IFRD1: variants seen among roughly 807,000 people sequenced by gnomAD.
IFRD1 encodes interferon related developmental regulator 1, also known as interferon-related developmental regulator 1.
A neutral mutation model predicts 52.9 loss-of-function variants in IFRD1; 35 were observed. The observed-to-expected ratio is 0.66, with a 90% CI of 0.51 to 0.88. IFRD1 has a LOEUF of 0.88. Among genes scored for constraint, IFRD1 ranks in the 40% least tolerant of loss-of-function variants. IFRD1 has a pLI of 0.00. For missense variants in IFRD1, 517 were observed against 550.8 expected (o/e 0.94, Z 0.61); for synonymous variants, 184 against 188.4 (o/e 0.98, Z 0.19).
At chr7:112,457,406 A>G in intron 4 of IFRD1, 2 of 306,948 alleles carry the variant, frequency 6.5e-6, no homozygotes. Flanking sequence ...TGTAAATTAC[A>G]TCATTTTCAG....
intron 8 of IFRD1, among the ~76,000 whole-genome samples, chr7:112,463,235 TG>T (rs780690579): frequency 4.1e-4 from 63 of 152,272 alleles, no homozygotes; most frequent in Non-Finnish European, 6.8e-4. Context: ...ATATGGGAAA[TG>T]GGTAACTAAA....
In IFRD1 at chr7:112,458,854, T is replaced by G; in HGVS notation, c.410-7T>G. The G allele has an allele frequency of 6.2e-7, 1 of 1,613,580 alleles. No individual in the cohort carries two copies. The highest frequency in any genetic ancestry group is 8.5e-7 in the Non-Finnish European group (1 of 1,179,576). ...CTATCGTGATTGCATCTTGGCTGCT[T>G]TTATAGGTAAGAGTGATGAGCAACG... On this transcript the variant is annotated splice_polypyrimidine_tract_variant and splice_region_variant and intron_variant, in intron 4 of 11. Coordinates refer to ENST00000403825, the MANE Select transcript of IFRD1 (RefSeq NM_001550.4).
intron 4 of IFRD1, 112 bp downstream of exon 4, chr7:112,457,150 C>G (rs1795315657): frequency 8.7e-7 from 1 of 1,150,976 alleles, no homozygotes; most frequent in African/African-American, 1.5e-5. Context: ...TTAAAATTTT[C>G]TAATAGTCAA....
In IFRD1 at chr7:112,450,767, AC is replaced by A; in HGVS notation, c.80del (p.Thr27ArgfsTer25). The A allele has an allele frequency of 6.2e-7, 1 of 1,612,056 alleles. No homozygotes were observed. Among genetic ancestry groups the A allele is most frequent in the Non-Finnish European group, 8.5e-7 (1 of 1,179,366 alleles). On this transcript the variant is annotated frameshift_variant, in exon 1 of 12. Coordinates refer to ENST00000403825, the MANE Select transcript of IFRD1 (RefSeq NM_001550.4). LOFTEE classifies it high-confidence loss of function. ...CGGCGGGTCAGGAGCAGCCGCAGCG[AC>A]GGCGGCGACAGCAGGTAAGGGGTAT... is the stretch of plus-strand genomic sequence containing the variant. ...GGGGSGAAAA[T>X]AATAGGQHRN...
Position 112,437,689 on chromosome 7 carries a change from T to C in IFRD1, c.-181-12819T>C, listed in dbSNP as rs558577435. ...CCCTCCAGAGCACTAGGGGCCACAC[T>C]AGATAAGGCAATCCATTCTGCAGGG... On this transcript the variant is annotated intron_variant, in intron 1 of 12. Coordinates refer to the IFRD1 transcript ENST00000005558. Among the ~76,000 whole-genome samples the C allele has an allele frequency of 4.0e-5, 6 of 151,266 alleles. No homozygotes were observed. In the East Asian group the frequency reaches 1.2e-3, roughly 29 times the overall value.
At position 112,443,269 on chromosome 7, in the gene IFRD1, C is replaced by T. The variant is rs569604129; in HGVS notation, c.-181-7239C>T. On this transcript the variant is annotated intron_variant, in intron 1 of 12. Transcript: ENST00000005558. ...GTGGTTGGCCGTAAGATTAGTACTA[C>T]CACACGGAGAAAGCTGGGAACAAGA... is the stretch of plus-strand genomic sequence containing the variant. Among the ~76,000 whole-genome samples the T allele has an allele frequency of 7.2e-5, 11 of 152,246 alleles. No homozygotes were observed. In the South Asian group the frequency reaches 2.1e-3, roughly 29 times the overall value.
In IFRD1 at chr7:112,450,780, C is replaced by A; in HGVS notation, c.92C>A (p.Ala31Glu). Residue 31 changes from alanine (A) to glutamate (E), a missense_variant and splice_region_variant, in exon 1 of 12, where the codon GCA becomes GAA. Ala to Glu is a moderately radical substitution (Grantham distance 107). Transcript: ENST00000403825. The stretch of plus-strand genomic sequence containing the variant: ...GCAGCCGCAGCGACGGCGGCGACAG[C>A]AGGTAAGGGGTATCCCCGCCGCCGG... ...SGAAAATAATAGGQHRNVQPF... is the reference protein window; with the variant it reads ...SGAAAATAATEGGQHRNVQPF... The A allele has an allele frequency of 6.2e-7, 1 of 1,610,054 alleles. No homozygotes were observed. Among genetic ancestry groups the A allele is most frequent in the Non-Finnish European group, 8.5e-7 (1 of 1,177,480 alleles).
chr7:112,464,736 T>C (rs975819115), intron 8 of IFRD1, among the ~76,000 whole-genome samples: 5 of 152,016 alleles, frequency 3.3e-5, no homozygotes, highest in Non-Finnish European at 1.5e-5. Context: ...GAGCCATTGC[T>C]GGTGCAATCC....
chr7:112,424,806 T>G (rs1040834707), intron 1 of IFRD1, among the ~76,000 whole-genome samples: 1 of 152,242 alleles, frequency 6.6e-6, no homozygotes, highest in African/African-American at 2.4e-5. Flanking sequence ...TGTCCTGTAT[T>G]TTCTGAGGTT....
At chr7:112,425,362 C>T (rs1448082036) in intron 1 of IFRD1, among the ~76,000 whole-genome samples, 1 of 152,080 alleles carries the variant, frequency 6.6e-6, no homozygotes, top group Admixed American at 6.6e-5. Context: ...GAAGATCTGC[C>T]CTCAATGTGG....
At chr7:112,432,360 G>A (rs1208908529) in intron 1 of IFRD1, among the ~76,000 whole-genome samples, 1 of 152,188 alleles carries the variant, frequency 6.6e-6, no homozygotes, top group African/African-American at 2.4e-5. Flanking sequence ...GAACACCACA[G>A]ACAAGATCTT....
chr7:112,474,536 T>A (rs894402572), intron 11 of IFRD1, among the ~76,000 whole-genome samples: 4 of 152,202 alleles, frequency 2.6e-5, no homozygotes, highest in South Asian at 2.1e-4. Context: ...AAGTTTTTTT[T>A]AAGAAACATT....
upstream of IFRD1, among the ~76,000 whole-genome samples, chr7:112,447,198 T>A (rs1795049705): frequency 6.6e-6 from 1 of 152,228 alleles, no homozygotes. Flanking sequence ...AAATTCTGAT[T>A]AATGTAAGAT....
chr7:112,424,761 C>G (rs1474669230), intron 1 of IFRD1, among the ~76,000 whole-genome samples: 6 of 152,164 alleles, frequency 3.9e-5, no homozygotes, highest in Non-Finnish European at 7.3e-5. Flanking sequence ...TTCATTGACC[C>G]ACTGGTAGTT....
At chr7:112,466,585 G>C (rs143656359) in intron 8 of IFRD1, among the ~76,000 whole-genome samples, 1 of 152,254 alleles carries the variant, frequency 6.6e-6, no homozygotes, top group Non-Finnish European at 1.5e-5. Flanking sequence ...GACATAGTCA[G>C]ATGTTCAATG....
At position 112,450,719 on chromosome 7, in the gene IFRD1, C is replaced by T; in HGVS notation, c.31C>T (p.His11Tyr). 1 of 1,612,924 alleles carries T rather than the reference C, an allele frequency of 6.2e-7. No homozygotes were observed. Among genetic ancestry groups the T allele is most frequent in the Non-Finnish European group, 8.5e-7 (1 of 1,179,908 alleles). Residue 11 changes from histidine to tyrosine, a missense_variant, in exon 1 of 12, where the codon CAC becomes TAC. Transcript: ENST00000403825. MPKNKKRNTP[H>Y]RGSSAGGGGS... Reference sequence around the variant, plus strand: ...GAAGAACAAGAAGCGGAACACTCCCCACCGCGGTAGCAGTGCTGGCGGCGG... The same window carrying T: ...GAAGAACAAGAAGCGGAACACTCCCTACCGCGGTAGCAGTGCTGGCGGCGG...
chr7:112,460,180 A>T (rs1256764557), intron 5 of IFRD1, among the ~76,000 whole-genome samples: 1 of 151,530 alleles, frequency 6.6e-6, no homozygotes, highest in Non-Finnish European at 1.5e-5. Flanking sequence ...GTGAATTTTT[A>T]AAAAACCTTA....
intron 1 of IFRD1, among the ~76,000 whole-genome samples, chr7:112,435,192 C>T (rs1794644303): frequency 6.6e-6 from 1 of 152,190 alleles, no homozygotes; most frequent in African/African-American, 2.4e-5. Context: ...GGTATTACCT[C>T]TCCACTGCAA....
intron 1 of IFRD1, among the ~76,000 whole-genome samples, chr7:112,434,169 A>G (rs563619310): frequency 3.3e-5 from 5 of 152,254 alleles, no homozygotes; most frequent in Non-Finnish European, 5.9e-5. Context: ...TGTTCGAGGT[A>G]TTTTAATTAG....
Sources: gnomAD v4.1 joint callset for allele counts (sites outside exome capture counted in the v4.1 genomes callset) on GRCh38, gnomAD v4.1.1 for gene constraint, MANE v1.5 for transcripts, NCBI Gene and HGNC (gene_info 2026-07-23, HGNC 2026-07-21) for gene names.